The following RHOA variants were observed in gnomAD, a reference collection of about 807,000 sequenced individuals.
The protein encoded by RHOA is transforming protein RhoA.
RHOA carries 3 observed loss-of-function variants against 17.5 expected under a neutral mutation model. The ratio of observed to expected loss-of-function variants is 0.17; its 90% CI spans 0.08 to 0.44. The LOEUF (loss-of-function observed/expected upper bound fraction) is 0.44, where lower values mean the gene tolerates loss of function less well. Ranked by LOEUF, RHOA falls within the 20% of genes least tolerant of loss-of-function variation. RHOA has a pLI of 0.99. For missense variants in RHOA, 56 were observed against 242.3 expected, an observed-to-expected ratio of 0.23 and a Z score of 5.10; for synonymous variants, 98 against 88.4, an observed-to-expected ratio of 1.11 and a Z score of -0.61.
In RHOA at chr3:49,359,385, A is replaced by T. The variant is rs2047918665; in HGVS notation, c.*824T>A. ...GTCTAATTGCCTCAGGCGTGAAACC[A>T]ATTCCTATTTACTTAGCCCAGCTCC... On this transcript the variant is annotated 3_prime_UTR_variant, in exon 5 of 5. Transcript: ENST00000418115. 1.1e-5 allele frequency: 2 copies of T among 187,782 alleles called. No individual in the cohort carries two copies. Among genetic ancestry groups the T allele is most frequent in the Middle Eastern group, 1.9e-3 (1 of 520 alleles). 11.6% of individuals were successfully genotyped at this position (187,782 alleles called of 1,614,324 possible). A position where few individuals can be genotyped will look rare whatever the true frequency, so the allele number is the denominator to read the frequency against.
At chr3:49,377,272 G>A (rs932647268) in intron 1 of RHOA, among the ~76,000 whole-genome samples, 2 of 151,360 alleles carry the variant, frequency 1.3e-5, no homozygotes, top group Admixed American at 6.6e-5. Flanking sequence ...AGAAAGGAAG[G>A]ACGGACGGAA....
At chr3:49,370,896 C>A (rs532031406) in intron 2 of RHOA, among the ~76,000 whole-genome samples, 1 of 152,278 alleles carries the variant, frequency 6.6e-6, no homozygotes, top group Admixed American at 6.5e-5. Context: ...ATGATTTCTT[C>A]CTTAAAATTG....
intron 1 of RHOA, among the ~76,000 whole-genome samples, chr3:49,389,383 A>C (rs1326154668): frequency 6.6e-6 from 1 of 151,958 alleles, no homozygotes; most frequent in African/African-American, 2.4e-5. Flanking sequence ...GCAGAACCCA[A>C]GAAGAATGTG....
At chr3:49,368,608 A>T in intron 2 of RHOA, 60 bp from the exon 3 acceptor site, 9 of 1,598,092 alleles carry the variant, frequency 5.6e-6, no homozygotes, top group Non-Finnish European at 3.4e-6. Flanking sequence ...ACTTTTAGAA[A>T]AAGTGACACT....
intron 2 of RHOA, among the ~76,000 whole-genome samples, chr3:49,374,617 G>T (rs79404516): frequency 6.6e-6 from 1 of 152,012 alleles, no homozygotes; most frequent in Non-Finnish European, 1.5e-5. Context: ...CTCTACTCTG[G>T]AGGCTGAGGC....
At chr3:49,377,358 C>T (rs7623659) in intron 1 of RHOA, among the ~76,000 whole-genome samples, 45,170 of 151,892 alleles carry the variant, frequency 0.3, 7,206 homozygotes, top group Middle Eastern at 0.32. Flanking sequence ...TCTGGGAGGC[C>T]GAAACAGGTG....
chr3:49,393,674 CTCTGTGTG>C (rs1356417073), intron 1 of RHOA, among the ~76,000 whole-genome samples: 29 of 4,350 alleles, frequency 6.7e-3, no homozygotes, highest in African/African-American at 0.019. Flanking sequence ...CAAATTCTCT[CTCTGTGTG>C]TGTGTGTGTG....
Position 49,377,509 on chromosome 3 carries a change from CCT to C in RHOA, c.-2-1920_-2-1919del, listed in dbSNP as rs1180443930. On this transcript the variant is annotated intron_variant, in intron 1 of 4. Coordinates refer to ENST00000418115, the MANE Select transcript of RHOA (RefSeq NM_001664.4). ...TTGGGAGGCTCAGGTGGGATAATCCCCTGAGCCCTGGAGGTGGAAGCTGCAGT... is the reference window on the plus strand; with the variant it reads ...TTGGGAGGCTCAGGTGGGATAATCCCGAGCCCTGGAGGTGGAAGCTGCAGT... Among the ~76,000 whole-genome samples, 6 of 151,866 alleles carry C rather than the reference CCT, an allele frequency of 4.0e-5. No homozygotes were observed. The East Asian group carries it at 5.8e-4, about 15-fold the overall frequency.
intron 1 of RHOA, among the ~76,000 whole-genome samples, chr3:49,397,900 T>C (rs1343784626): frequency 6.6e-6 from 1 of 152,190 alleles, no homozygotes; most frequent in Non-Finnish European, 1.5e-5. Context: ...CATGGTGCTA[T>C]ATTATCCTAA....
chr3:49,360,881 CT>C (rs747173440), intron 4 of RHOA: 11 of 304,644 alleles, frequency 3.6e-5, no homozygotes, highest in Non-Finnish European at 5.9e-5. Flanking sequence ...CAAGACCATC[CT>C]GGCCAACATG....
chr3:49,373,429 T>A (rs981222703), intron 2 of RHOA: 1 of 155,076 alleles, frequency 6.4e-6, no homozygotes, highest in Non-Finnish European at 1.5e-5. Flanking sequence ...ATATGAGACA[T>A]ATAACTGAAT....
chr3:49,377,283 G>A (rs1037702458), intron 1 of RHOA, among the ~76,000 whole-genome samples: 5 of 151,582 alleles, frequency 3.3e-5, no homozygotes, highest in East Asian at 1.9e-4. Context: ...ACGGACGGAA[G>A]CATGAGAGGG....
chr3:49,379,857 GAT>G (rs2048289227), intron 1 of RHOA, among the ~76,000 whole-genome samples: 2 of 152,182 alleles, frequency 1.3e-5, no homozygotes, highest in South Asian at 4.1e-4. Context: ...TGAATTGTAA[GAT>G]ATGTGGATTA....
At chr3:49,409,454 T>C (rs1286924423) in intron 1 of RHOA, among the ~76,000 whole-genome samples, 2 of 152,168 alleles carry the variant, frequency 1.3e-5, no homozygotes, top group African/African-American at 4.8e-5. Context: ...CCAGTGACTA[T>C]GTACTATTTA....
intron 1 of RHOA, among the ~76,000 whole-genome samples, chr3:49,411,146 G>C (rs1364116334): frequency 4.7e-5 from 7 of 148,502 alleles, no homozygotes; most frequent in Admixed American, 4.0e-4. Flanking sequence ...TTTGTGTGTT[G>C]TTTTTTTTTT....
chr3:49,370,761 T>C (rs913847228), intron 2 of RHOA, among the ~76,000 whole-genome samples: 2 of 152,142 alleles, frequency 1.3e-5, no homozygotes, highest in East Asian at 1.9e-4. Flanking sequence ...CCCATTCTTA[T>C]CACCAGACTC....
chr3:49,360,479 T>C, intron 4 of RHOA, 97 bp from the exon 5 acceptor site: 1 of 1,363,466 alleles, frequency 7.3e-7, no homozygotes, highest in African/African-American at 1.5e-5. Flanking sequence ...TTTTTTTTCT[T>C]TTTTTGAGAC....
chr3:49,386,461 C>CT (rs1269301495), intron 1 of RHOA, among the ~76,000 whole-genome samples: 1 of 152,202 alleles, frequency 6.6e-6, no homozygotes, highest in African/African-American at 2.4e-5. Flanking sequence ...AATGAAGAAA[C>CT]TGAGTATGGA....
chr3:49,380,883 T>C (rs1348504778), intron 1 of RHOA, among the ~76,000 whole-genome samples: 2 of 151,772 alleles, frequency 1.3e-5, no homozygotes, highest in Non-Finnish European at 2.9e-5. Flanking sequence ...AGTGCTGCCA[T>C]TACTCATTTG....
Sources: allele counts gnomAD v4.1 joint callset (sites outside exome capture counted in the v4.1 genomes callset), GRCh38; gene constraint gnomAD v4.1.1; transcripts MANE v1.5; gene names NCBI Gene and HGNC (gene_info 2026-07-23, HGNC 2026-07-21).